The following CADM2 variants were observed in gnomAD, a reference collection of about 807,000 sequenced individuals.
The protein encoded by CADM2 is cell adhesion molecule 2, also known as immunoglobulin superfamily member 4D.
In CADM2, 12 loss-of-function variants were observed where a neutral mutation model predicts 49.8. That is an observed-to-expected ratio of 0.24 (90% confidence interval 0.15 to 0.39). The LOEUF (loss-of-function observed/expected upper bound fraction) is 0.39, where lower values mean the gene tolerates loss of function less well. Ranked by LOEUF, CADM2 falls within the 10% of genes least tolerant of loss-of-function variation. CADM2 has a pLI of 1.00. For synonymous variants in CADM2, 214 were observed against 175.4 expected (o/e 1.22, Z -1.74); for missense variants, 378 against 492.3 (o/e 0.77, Z 2.20).
rs116619798 is a variant in CADM2, at chr3:85,684,772, G to A, written c.62-41750G>A. Reference sequence around the variant, plus strand: ...TCTCATGAGACTTATTCACTGCTAAGAGAACTGTACTGGGGAAACTGCCCC... The same window carrying A: ...TCTCATGAGACTTATTCACTGCTAAAAGAACTGTACTGGGGAAACTGCCCC... On this transcript the variant is annotated intron_variant, in intron 1 of 9. Transcript: ENST00000383699. Among the ~76,000 whole-genome samples the A allele has an allele frequency of 2.6e-3, 397 of 152,270 alleles. 3 individuals carry two copies. The highest frequency in any genetic ancestry group is 9.0e-3 in the African/African-American group (375 of 41,562).
At chr3:85,549,358 C>G (rs1258752291) in intron 1 of CADM2, among the ~76,000 whole-genome samples, 4 of 152,118 alleles carry the variant, frequency 2.6e-5, no homozygotes, top group African/African-American at 7.2e-5. Context: ...CAAATTGAGA[C>G]ACATGTCTGA....
At chr3:85,599,910 AC>A (rs2063346218) in intron 1 of CADM2, among the ~76,000 whole-genome samples, 1 of 35,638 alleles carries the variant, frequency 2.8e-5, no homozygotes, top group African/African-American at 7.9e-5. Context: ...GAAATTATGT[AC>A]ATAGTTAATA....
intron 1 of CADM2, among the ~76,000 whole-genome samples, chr3:85,543,201 T>C (rs915016375): frequency 6.6e-6 from 1 of 151,384 alleles, no homozygotes; most frequent in African/African-American, 2.4e-5. Flanking sequence ...CCTTGCCTCC[T>C]ACACCCATAT....
chr3:85,592,015 A>C (rs2063122055), intron 1 of CADM2, among the ~76,000 whole-genome samples: 1 of 152,008 alleles, frequency 6.6e-6, no homozygotes, highest in African/African-American at 2.4e-5. Flanking sequence ...GTATAGAAAG[A>C]CTTAATAGAA....
intron 1 of CADM2, among the ~76,000 whole-genome samples, chr3:85,372,533 A>G (rs771350687): frequency 2.6e-5 from 4 of 152,014 alleles, no homozygotes; most frequent in Non-Finnish European, 4.4e-5. Flanking sequence ...AAGGTCATCT[A>G]GAAACAATTT....
At chr3:86,013,199 T>C (rs764285773) in intron 8 of CADM2, 29 of 1,373,904 alleles carry the variant, frequency 2.1e-5, no homozygotes, top group Admixed American at 1.7e-4. Flanking sequence ...CAGAAAAACA[T>C]TGATGAAACT....
intron 1 of CADM2, among the ~76,000 whole-genome samples, chr3:84,979,011 C>G (rs2032003916): frequency 6.6e-6 from 1 of 152,080 alleles, no homozygotes; most frequent in South Asian, 2.1e-4. Flanking sequence ...CCCCCATCAC[C>G]CGGGGAAACA....
chr3:85,547,088 T>C (rs1299557846), intron 1 of CADM2, among the ~76,000 whole-genome samples: 1 of 114,342 alleles, frequency 8.7e-6, no homozygotes, highest in Non-Finnish European at 2.1e-5. Flanking sequence ...TTATACTATT[T>C]TGATGAATAT....
intron 1 of CADM2, among the ~76,000 whole-genome samples, chr3:85,701,480 A>ATT (rs35098652): frequency 1.3e-4 from 19 of 150,346 alleles, no homozygotes; most frequent in Non-Finnish European, 1.8e-4. Flanking sequence ...ATTAGGCTGT[A>ATT]TTTTTTTTTT....
chr3:85,185,042 T>G (rs1373746240), intron 1 of CADM2, among the ~76,000 whole-genome samples: 1 of 152,052 alleles, frequency 6.6e-6, no homozygotes. Context: ...AAGAGAAATG[T>G]AACCCTAGCT....
chr3:85,956,943 G>A (rs550548937), intron 7 of CADM2, among the ~76,000 whole-genome samples: 1 of 151,518 alleles, frequency 6.6e-6, no homozygotes, highest in African/African-American at 2.4e-5. Flanking sequence ...TCAAGAAAAG[G>A]TTGCCTCCTA....
intron 1 of CADM2, among the ~76,000 whole-genome samples, chr3:85,374,012 A>G (rs1242794080): frequency 6.6e-6 from 1 of 152,174 alleles, no homozygotes; most frequent in Non-Finnish European, 1.5e-5. Context: ...CCTTGGTGAT[A>G]ACATTTGGCT....
At chr3:85,637,057 A>G (rs1279788455) in intron 1 of CADM2, among the ~76,000 whole-genome samples, 1 of 149,748 alleles carries the variant, frequency 6.7e-6, no homozygotes, top group East Asian at 2.0e-4. Flanking sequence ...ATTATCCTGA[A>G]AGGTAAATAT....
intron 2 of CADM2, among the ~76,000 whole-genome samples, chr3:85,781,204 G>T (rs2070627470): frequency 1.3e-5 from 2 of 152,142 alleles, no homozygotes; most frequent in South Asian, 2.1e-4. Flanking sequence ...CACGTAGCTG[G>T]AAAACCAAGG....
In CADM2 at chr3:85,376,486, T is replaced by C. The variant is rs189448207; in HGVS notation, c.62-350036T>C. Among the ~76,000 whole-genome samples, 4 of 152,172 alleles carry C rather than the reference T, an allele frequency of 2.6e-5. No homozygotes were observed. The East Asian group carries it at 7.7e-4, about 29-fold the overall frequency. ...AATGTAATATAAAAAAGAAAAGCTC[T>C]TAAAACTAAGCCATTGAAACTAATA... is the stretch of plus-strand genomic sequence containing the variant. On this transcript the variant is annotated intron_variant, in intron 1 of 9. Coordinates refer to ENST00000383699, the MANE Select transcript of CADM2 (RefSeq NM_001167675.2).
At chr3:85,753,758 T>C (rs1272623841) in intron 2 of CADM2, among the ~76,000 whole-genome samples, 3 of 152,104 alleles carry the variant, frequency 2.0e-5, no homozygotes, top group Non-Finnish European at 2.9e-5. Flanking sequence ...TGACTCCTAT[T>C]GTTAGTGGCC....
intron 1 of CADM2, among the ~76,000 whole-genome samples, chr3:85,186,068 A>C (rs1201933430): frequency 6.6e-6 from 1 of 152,228 alleles, no homozygotes; most frequent in Non-Finnish European, 1.5e-5. Flanking sequence ...CAAGTATTTG[A>C]ATACTGTTCA....
intron 1 of CADM2, among the ~76,000 whole-genome samples, chr3:85,457,930 T>G: frequency 6.6e-6 from 1 of 152,176 alleles, no homozygotes; most frequent in African/African-American, 2.4e-5. Context: ...ACTTTTCTAC[T>G]CTTATTTTTC....
At chr3:85,445,494 T>G (rs1323330572) in intron 1 of CADM2, among the ~76,000 whole-genome samples, 1 of 152,164 alleles carries the variant, frequency 6.6e-6, no homozygotes, top group African/African-American at 2.4e-5. Flanking sequence ...AATATGTACA[T>G]TTATAAATCT....
Sources: allele counts gnomAD v4.1 joint callset (sites outside exome capture counted in the v4.1 genomes callset), GRCh38; gene constraint gnomAD v4.1.1; transcripts MANE v1.5; gene names NCBI Gene and HGNC (gene_info 2026-07-23, HGNC 2026-07-21).